The following GPHN variants were observed in gnomAD, a reference collection of about 807,000 sequenced individuals.
GPHN encodes the protein gephyrin.
A neutral mutation model predicts 95.5 loss-of-function variants in GPHN; 17 were observed. That is an observed-to-expected ratio of 0.18 (90% CI 0.12 to 0.27). GPHN has a LOEUF of 0.27. Among genes scored for constraint, GPHN ranks in the 10% least tolerant of loss-of-function variants. The pLI, the probability that GPHN is intolerant of heterozygous loss-of-function variation, is 1.00. For synonymous variants in GPHN, 320 were observed against 322.5 expected, an observed-to-expected ratio of 0.99 and a Z score of 0.08; for missense variants, 660 against 978.1, an observed-to-expected ratio of 0.67 and a Z score of 4.34.
At chr14:67,221,707 A>G in the GPHN span, 13 of 1,581,848 alleles carry the variant, frequency 8.2e-6, no homozygotes, top group African/African-American at 1.1e-4. Flanking sequence ...GTTATTTTAT[A>G]TCTAGTAGAT....
At chr14:66,558,012 A>T (rs1003691286) in intron 1 of GPHN, among the ~76,000 whole-genome samples, 2 of 152,168 alleles carry the variant, frequency 1.3e-5, no homozygotes, top group Non-Finnish European at 2.9e-5. Context: ...GTTTTTAAGT[A>T]TATAATTATT....
chr14:66,539,048 T>C (rs1200195777), intron 1 of GPHN, among the ~76,000 whole-genome samples: 2 of 152,142 alleles, frequency 1.3e-5, no homozygotes, highest in African/African-American at 4.8e-5. Context: ...CATACTCAGA[T>C]TTTTGATTGA....
chr14:67,478,516 G>GA, the GPHN span, among the ~76,000 whole-genome samples: 2 of 151,952 alleles, frequency 1.3e-5, no homozygotes, highest in East Asian at 1.9e-4. Context: ...AGAGTGTGTA[G>GA]AAAAAACGCA....
At chr14:66,569,204 C>G (rs560934123) in intron 1 of GPHN, among the ~76,000 whole-genome samples, 8 of 152,116 alleles carry the variant, frequency 5.3e-5, no homozygotes, top group Non-Finnish European at 1.0e-4. Flanking sequence ...AACCTTAAAT[C>G]TTTTAGTGTT....
At chr14:67,253,535 T>A in the GPHN span, among the ~76,000 whole-genome samples, 1 of 152,184 alleles carries the variant, frequency 6.6e-6, no homozygotes, top group Non-Finnish European at 1.5e-5. Flanking sequence ...TACACATTTT[T>A]AAATAGACTT....
chr14:67,023,900 C>G (rs779221685), intron 10 of GPHN, among the ~76,000 whole-genome samples: 4 of 151,992 alleles, frequency 2.6e-5, no homozygotes, highest in Non-Finnish European at 5.9e-5. Flanking sequence ...TGATGCACTC[C>G]TAGGAGGGTA....
the GPHN span, among the ~76,000 whole-genome samples, chr14:67,330,692 A>C: frequency 6.6e-6 from 1 of 152,216 alleles, no homozygotes; most frequent in African/African-American, 2.4e-5. Context: ...TCCCGACCTC[A>C]GGTGATCCAC....
intron 5 of GPHN, among the ~76,000 whole-genome samples, chr14:66,897,552 A>G (rs948812931): frequency 1.3e-5 from 2 of 152,020 alleles, no homozygotes; most frequent in Non-Finnish European, 2.9e-5. Context: ...ATATTTTGCC[A>G]TTTCAAGAAT....
chr14:66,706,108 T>A (rs972861551), intron 2 of GPHN, among the ~76,000 whole-genome samples: 3 of 152,044 alleles, frequency 2.0e-5, no homozygotes, highest in African/African-American at 4.8e-5. Flanking sequence ...TAACAAGGGA[T>A]GTGAAGGACC....
the GPHN span, among the ~76,000 whole-genome samples, chr14:67,675,887 A>G: frequency 3.0e-4 from 46 of 151,800 alleles, 1 homozygote; most frequent in African/African-American, 1.1e-3. Flanking sequence ...CTTCAGGTCA[A>G]GAGTTCAAGA....
At chr14:67,292,470 T>G in the GPHN span, 1 of 1,376,264 alleles carries the variant, frequency 7.3e-7, no homozygotes, top group East Asian at 2.3e-5. Flanking sequence ...GAATTAATAC[T>G]GAAACAGTTA....
chr14:67,639,890 A>G, the GPHN span, among the ~76,000 whole-genome samples: 17 of 138,720 alleles, frequency 1.2e-4, no homozygotes, highest in Admixed American at 4.2e-4. Flanking sequence ...GTGCCACTGC[A>G]CTCCAGCCTG....
the GPHN span, among the ~76,000 whole-genome samples, chr14:67,525,440 C>T: frequency 2.9e-4 from 44 of 152,266 alleles, no homozygotes; most frequent in Non-Finnish European, 4.1e-4. Context: ...TCCTAATTGA[C>T]GGACATTTCA....
At chr14:67,018,247 AC>A (rs952506029) in intron 9 of GPHN, among the ~76,000 whole-genome samples, 4 of 152,184 alleles carry the variant, frequency 2.6e-5, no homozygotes, top group African/African-American at 9.6e-5. Context: ...AAGTCATCAA[AC>A]TTTTAATACT....
chr14:66,991,870 T>TCAA (rs11429396), intron 9 of GPHN, among the ~76,000 whole-genome samples: 3 of 111,148 alleles, frequency 2.7e-5, no homozygotes, highest in East Asian at 2.3e-4. Context: ...AGACCCTGTC[T>TCAA]AAAAAAAAAA....
intron 4 of GPHN, among the ~76,000 whole-genome samples, chr14:66,873,736 T>A (rs1171883628): frequency 1.3e-5 from 2 of 152,162 alleles, no homozygotes; most frequent in Non-Finnish European, 2.9e-5. Context: ...GGGCAGGACA[T>A]CTCTGAAAGA....
At chr14:66,914,639 A>T (rs192841412) in intron 5 of GPHN, among the ~76,000 whole-genome samples, 4 of 152,218 alleles carry the variant, frequency 2.6e-5, no homozygotes, top group Admixed American at 2.6e-4. Context: ...AGCTAATACT[A>T]TATTCTACGA....
At chr14:67,577,625 A>G in the GPHN span, among the ~76,000 whole-genome samples, 1 of 152,204 alleles carries the variant, frequency 6.6e-6, no homozygotes. Flanking sequence ...TCCTTGGGAA[A>G]TGCCAATGAA....
chr14:67,579,994 A>G, the GPHN span: 1 of 962,120 alleles, frequency 1.0e-6, no homozygotes, highest in Middle Eastern at 3.2e-4. Flanking sequence ...GCTGAGCCCA[A>G]GGTGCTGCCC....
Sources: gnomAD v4.1 joint callset for allele counts (sites outside exome capture counted in the v4.1 genomes callset) on GRCh38, gnomAD v4.1.1 for gene constraint, MANE v1.5 for transcripts, NCBI Gene and HGNC (gene_info 2026-07-23, HGNC 2026-07-21) for gene names.